CTSO: variants seen among roughly 807,000 people sequenced by gnomAD.
The protein encoded by CTSO is cathepsin O.
In CTSO, 40 loss-of-function variants were observed where a neutral mutation model predicts 42.4. The observed-to-expected ratio is 0.94, with a 90% CI of 0.73 to 1.23. The LOEUF (loss-of-function observed/expected upper bound fraction) is 1.23, where lower values mean the gene tolerates loss of function less well. Among genes scored for constraint, CTSO ranks in the 50% most tolerant of loss-of-function variants. The pLI, the probability that CTSO is intolerant of heterozygous loss-of-function variation, is 0.00. For missense variants in CTSO, 441 were observed against 396.0 expected, an observed-to-expected ratio of 1.11 and a Z score of -0.96; for synonymous variants, 156 against 146.2, an observed-to-expected ratio of 1.07 and a Z score of -0.48.
At chr4:155,941,207 T>A (rs1380226420) in intron 3 of CTSO, among the ~76,000 whole-genome samples, 5 of 152,230 alleles carry the variant, frequency 3.3e-5, no homozygotes, top group African/African-American at 1.2e-4. Flanking sequence ...AATGATCTGT[T>A]GAGGTTTCCA....
Position 155,939,552 on chromosome 4 carries a change from G to GA in CTSO, c.385-15dup. ...GCATCCTCCACACTGTTTAAAAACA[G>GA]AAAAAGGGGTGGTATTTCCAGGGTT... On this transcript the variant is annotated splice_polypyrimidine_tract_variant and intron_variant, in intron 3 of 7. Coordinates refer to ENST00000433477, the MANE Select transcript of CTSO (RefSeq NM_001334.3). 6.3e-7 allele frequency: 1 copy of GA among 1,583,122 alleles called. No homozygotes were observed. Among genetic ancestry groups the GA allele is most frequent in the East Asian group, 2.2e-5 (1 of 44,538 alleles).
At chr4:155,937,049 A>G (rs1743343014) in intron 5 of CTSO, among the ~76,000 whole-genome samples, 1 of 152,116 alleles carries the variant, frequency 6.6e-6, no homozygotes, top group African/African-American at 2.4e-5. Flanking sequence ...GTATATATAA[A>G]TATAAATTAT....
At position 155,929,564 on chromosome 4, in the gene CTSO, G is replaced by C. The variant is rs753371535; in HGVS notation, c.816C>G (p.Leu272=). 9 of 1,613,136 alleles carry C rather than the reference G, an allele frequency of 5.6e-6. No individual in the cohort carries two copies. In the African/African-American group the frequency reaches 1.2e-4, roughly 22 times the overall value. ...TACCTGTTTTATCAAACCCAGTTAT[G>C]AGAACTGCATGATTTGCTTCTCCAC... ...CSSGEANHAV[L]ITGFDKTGST... Residue 272 remains leucine (L), a synonymous_variant, in exon 6 of 8, where the codon CTC becomes CTG. Transcript: ENST00000433477.
intron 3 of CTSO, among the ~76,000 whole-genome samples, chr4:155,941,277 G>A (rs1743425189): frequency 6.6e-6 from 1 of 152,226 alleles, no homozygotes; most frequent in Non-Finnish European, 1.5e-5. Flanking sequence ...TGTTTGGCAG[G>A]CATTCCCTAT....
At chr4:155,933,793 G>A (rs980951599) in intron 5 of CTSO, among the ~76,000 whole-genome samples, 2 of 152,156 alleles carry the variant, frequency 1.3e-5, no homozygotes, top group African/African-American at 2.4e-5. Context: ...AGATGATTTA[G>A]GGTATCTGGC....
intron 5 of CTSO, among the ~76,000 whole-genome samples, chr4:155,935,246 C>T (rs74953451): frequency 0.06 from 9,120 of 152,208 alleles, 368 homozygotes; most frequent in Middle Eastern, 0.13. Context: ...GCCTCCTCAG[C>T]CATGTGGAAC....
chr4:155,946,951 G>A (rs780547969), intron 1 of CTSO, among the ~76,000 whole-genome samples: 21 of 152,124 alleles, frequency 1.4e-4, no homozygotes, highest in Admixed American at 4.6e-4. Flanking sequence ...CGCCTCCCGG[G>A]TTCACCCCAT....
chr4:155,943,223 G>A lies in CTSO; in HGVS notation c.177C>T (p.Pro59=), dbSNP rs780142530. The change falls in exon 2 of 8, where the codon CCC becomes CCT. Residue 59 remains proline, a synonymous_variant. Coordinates refer to ENST00000433477, the MANE Select transcript of CTSO (RefSeq NM_001334.3). ...CATAGAAGGCGGTGGAGTTTTCACT[G>A]GGAAATAAAGAATTCAAGTATCGAT... is the stretch of plus-strand genomic sequence containing the variant. The part of the protein sequence containing the change: ...NRHRYLNSLF[P]SENSTAFYGI... 2.0e-5 allele frequency: 32 copies of A among 1,611,602 alleles called. 1 individual carries two copies. In the South Asian group the frequency reaches 3.5e-4, roughly 18 times the overall value.
At chr4:155,945,153 G>T (rs1301302973) in intron 1 of CTSO, among the ~76,000 whole-genome samples, 2 of 151,640 alleles carry the variant, frequency 1.3e-5, no homozygotes, top group Non-Finnish European at 2.9e-5. Flanking sequence ...GCTACTCAGG[G>T]GGCTGAGGCA....
intron 5 of CTSO, among the ~76,000 whole-genome samples, chr4:155,934,018 T>A (rs1263319476): frequency 6.6e-6 from 1 of 152,160 alleles, no homozygotes; most frequent in Non-Finnish European, 1.5e-5. Flanking sequence ...CCCAACACCA[T>A]GGGGAAAATG....
At chr4:155,926,682 C>T (rs1435526676) in intron 7 of CTSO, among the ~76,000 whole-genome samples, 7 of 152,158 alleles carry the variant, frequency 4.6e-5, no homozygotes, top group Non-Finnish European at 8.8e-5. Context: ...GGAATACTCA[C>T]TTTCAGGAAG....
chr4:155,929,806 A>C (rs1291534895), intron 5 of CTSO, 101 bp from the exon 6 acceptor site: 42 of 1,132,804 alleles, frequency 3.7e-5, no homozygotes, highest in Non-Finnish European at 5.0e-5. Context: ...GTTTGGTTGC[A>C]GTTACAAAGG....
Position 155,946,612 on chromosome 4 carries a change from G to T in CTSO, c.136-3348C>A, listed in dbSNP as rs539381596. Among the ~76,000 whole-genome samples the T allele has an allele frequency of 2.6e-5, 4 of 152,184 alleles. No homozygotes were observed. In the East Asian group the frequency reaches 5.8e-4, roughly 22 times the overall value. On this transcript the variant is annotated intron_variant, in intron 1 of 7. Coordinates refer to ENST00000433477, the MANE Select transcript of CTSO (RefSeq NM_001334.3). ...TTCAACCAGGAGCCAACTTCTAAAA[G>T]AATTCCATTTGCTATTCTGGTGTAA...
At chr4:155,945,724 T>C (rs542522569) in intron 1 of CTSO, among the ~76,000 whole-genome samples, 13 of 152,300 alleles carry the variant, frequency 8.5e-5, no homozygotes, top group Non-Finnish European at 1.9e-4. Context: ...CCAGTATCCC[T>C]CATAAATACG....
intron 3 of CTSO, 24 bp downstream of exon 3, chr4:155,942,293 A>AAAAGAAGAGG: frequency 6.5e-7 from 1 of 1,538,714 alleles, no homozygotes; most frequent in Admixed American, 2.0e-5. Context: ...AGATGATTAG[A>AAAAGAAGAGG]AAAGAAGAGG....
Position 155,929,530 on chromosome 4 carries a change from A to C in CTSO, c.838+12T>G. On this transcript the variant is annotated intron_variant, in intron 6 of 7. Transcript: ENST00000433477. ...GCTGGAAAGCAGTCAACTGAGTCTT[A>C]TCAGCACTTACCTGTTTTATCAAAC... 1.2e-6 allele frequency: 2 copies of C among 1,608,698 alleles called. No individual in the cohort carries two copies. Among genetic ancestry groups the C allele is most frequent in the Non-Finnish European group, 1.7e-6 (2 of 1,177,592 alleles).
chr4:155,951,028 C>T (rs1211379140), intron 1 of CTSO, among the ~76,000 whole-genome samples: 1 of 152,022 alleles, frequency 6.6e-6, no homozygotes, highest in African/African-American at 2.4e-5. Context: ...ATATAAGTGG[C>T]TCATTAGTTA....
chr4:155,949,836 G>A (rs962944233), intron 1 of CTSO, among the ~76,000 whole-genome samples: 1 of 152,134 alleles, frequency 6.6e-6, no homozygotes, highest in Non-Finnish European at 1.5e-5. Context: ...TGTCATACTG[G>A]GGATTGTCAT....
chr4:155,924,263 A>G lies in CTSO; in HGVS notation c.*1773T>C, dbSNP rs1325790280. 9 of 150,350 alleles carry G rather than the reference A, an allele frequency of 6.0e-5. No individual in the cohort carries two copies. The highest frequency in any genetic ancestry group is 1.9e-4 in the African/African-American group (8 of 41,264). 9.3% of individuals were successfully genotyped at this position (150,350 alleles called of 1,614,324 possible). On this transcript the variant is annotated 3_prime_UTR_variant, in exon 8 of 8. Transcript: ENST00000433477. ...TATTACAAATGCATCTATATCACAT[A>G]GAAAGTCAGCGAATACAAACTAGAC...
Sources: allele counts gnomAD v4.1 joint callset (sites outside exome capture counted in the v4.1 genomes callset), GRCh38; gene constraint gnomAD v4.1.1; transcripts MANE v1.5; gene names NCBI Gene and HGNC (gene_info 2026-07-23, HGNC 2026-07-21).